The following ATP7B variants were observed in gnomAD, a reference collection of about 807,000 sequenced individuals.
ATP7B encodes the protein copper-transporting ATPase 2.
A neutral mutation model predicts 118.9 loss-of-function variants in ATP7B; 113 were observed. The ratio of observed to expected loss-of-function variants is 0.95; its 90% CI spans 0.82 to 1.11. The LOEUF is 1.11. ATP7B is among the 50% of genes most tolerant of loss of function. The pLI is 0.00. For missense variants in ATP7B, 1,867 were observed against 1,871.4 expected (o/e 1.00, Z 0.04); for synonymous variants, 777 against 727.4 (o/e 1.07, Z -1.10).
In ATP7B at chr13:51,974,510, G is replaced by T; in HGVS notation, c.710C>A (p.Ser237Tyr). The change falls in exon 2 of 21, where the codon TCT (serine) becomes TAT (tyrosine). Residue 237 changes from serine (S) to tyrosine (Y), a missense_variant. Ser to Tyr is a moderately radical substitution (Grantham distance 144). Transcript: ENST00000242839. ...ATTATTAAAATTCTGGTTAGCAGAA[G>T]ATAAAGGTCTCTTTGGGTTAGTGCT... ...LQSTNPKRPL[S>Y]SANQNFNNSE... The T allele has an allele frequency of 3.7e-6, 6 of 1,614,194 alleles. No homozygotes were observed. Among genetic ancestry groups the T allele is most frequent in the Non-Finnish European group, 5.1e-6 (6 of 1,180,038 alleles).
chr13:51,985,211 G>A (rs1566631925), intron 1 of ATP7B, among the ~76,000 whole-genome samples: 1 of 152,124 alleles, frequency 6.6e-6, no homozygotes, highest in Non-Finnish European at 1.5e-5. Flanking sequence ...CGAAATACAG[G>A]GATGGAGGAA....
At chr13:51,952,122 G>A (rs1363921474) in intron 9 of ATP7B, among the ~76,000 whole-genome samples, 1 of 152,242 alleles carries the variant, frequency 6.6e-6, no homozygotes, top group African/African-American at 2.4e-5. Context: ...AGTGGGGATT[G>A]TGTCTTGTAC....
At chr13:51,966,992 A>G in intron 4 of ATP7B, 1 of 1,613,488 alleles carries the variant, frequency 6.2e-7, no homozygotes, top group Non-Finnish European at 8.5e-7. Context: ...AGAAAAACAC[A>G]GACTGTCTGC....
chr13:52,001,279 A>G (rs1442216366), intron 1 of ATP7B, among the ~76,000 whole-genome samples: 2 of 152,308 alleles, frequency 1.3e-5, no homozygotes, highest in African/African-American at 2.4e-5. Flanking sequence ...AAAAGTCAGA[A>G]TACCTATAAG....
At chr13:51,935,063 T>C in intron 20 of ATP7B, 34 bp from the exon 21 acceptor site, 1 of 1,612,722 alleles carries the variant, frequency 6.2e-7, no homozygotes, top group Non-Finnish European at 8.5e-7. Context: ...ATCTGAGCCA[T>C]TCTAGAAACA....
chr13:51,936,205 T>C (rs960167912), intron 19 of ATP7B, among the ~76,000 whole-genome samples: 11 of 152,292 alleles, frequency 7.2e-5, no homozygotes, highest in African/African-American at 2.6e-4. Flanking sequence ...TGGTCAACTT[T>C]GTGTGGCAGA....
Position 51,941,187 on chromosome 13 carries a change from GT to G in ATP7B, c.3449del (p.Asn1150ThrfsTer5), listed in dbSNP as rs1555285380. 3.7e-6 allele frequency: 6 copies of G among 1,614,104 alleles called. No individual in the cohort carries two copies. The highest frequency in any genetic ancestry group is 5.1e-6 in the Non-Finnish European group (6 of 1,180,022). On this transcript the variant is annotated frameshift_variant, in exon 16 of 21. Transcript: ENST00000242839. LOFTEE classifies it high-confidence loss of function. ...AACCGTTGCGCCTCAGCCACTCACG[GT>G]TTCCAATCAGCACAGAGAAGGTCTG... The part of the protein sequence containing the change: ...VPQTFSVLIG[N>X]REWLRRNGLT...
At chr13:51,961,252 G>A (rs1373725366) in intron 6 of ATP7B, among the ~76,000 whole-genome samples, 4 of 151,558 alleles carry the variant, frequency 2.6e-5, no homozygotes, top group South Asian at 2.1e-4. Context: ...GGGCCCCTCC[G>A]AGACAGGGAA....
At position 51,960,149 on chromosome 13, in the gene ATP7B, T is replaced by C; in HGVS notation, c.2120A>G (p.Gln707Arg). 6.2e-7 allele frequency: 1 copy of C among 1,613,718 alleles called. No homozygotes were observed. Among genetic ancestry groups the C allele is most frequent in the South Asian group, 1.1e-5 (1 of 91,072 alleles). Reference protein sequence around the residue: ...LIFFILCTFVQLLGGWYFYVQ... With the variant: ...LIFFILCTFVRLLGGWYFYVQ... ...GTCTGCCCACTTTCTCATATATACC[T>C]GGACAAAGGTACACAAGATAAAGAA... Residue 707 changes from glutamine to arginine, a missense_variant and splice_region_variant, in exon 7 of 21, where the codon CAG becomes CGG. Gln to Arg is a conservative substitution (Grantham distance 43). Transcript: ENST00000242839.
chr13:52,007,589 G>A (rs1953835325), intron 1 of ATP7B, among the ~76,000 whole-genome samples: 1 of 152,104 alleles, frequency 6.6e-6, no homozygotes. Flanking sequence ...TCTCTCTCCA[G>A]ACACTAACTG....
intron 14 of ATP7B, 32 bp from the exon 15 acceptor site, chr13:51,942,586 T>C (rs1957402489): frequency 1.2e-6 from 2 of 1,612,910 alleles, no homozygotes. Context: ...AAGAGGAAAC[T>C]GTAAGCCAAG....
intron 1 of ATP7B, among the ~76,000 whole-genome samples, chr13:52,000,613 C>A (rs1953446760): frequency 6.6e-6 from 1 of 152,236 alleles, no homozygotes; most frequent in African/African-American, 2.4e-5. Flanking sequence ...TTGTCTACAA[C>A]AGAGCTCTCA....
rs1461573235 is a variant in ATP7B at position 51,958,422 on chromosome 13, C to G, written c.2244G>C (p.Leu748=). ...CCGCCTTCTCAGCCACAGCAACCAC[C>G]AGGATGACCAGAGAATAAACATAAG... ...SIAYVYSLVI[L]VVAVAEKAER... The change falls in exon 8 of 21, where the codon CTG becomes CTC. Residue 748 remains leucine (L), a synonymous_variant. Coordinates refer to ENST00000242839, the MANE Select transcript of ATP7B (RefSeq NM_000053.4). 6 of 1,614,104 alleles carry G rather than the reference C, an allele frequency of 3.7e-6. No homozygotes were observed. In the Admixed American group the frequency reaches 6.7e-5, roughly 18 times the overall value.
At chr13:51,956,973 A>G (rs1320784552) in intron 9 of ATP7B, among the ~76,000 whole-genome samples, 1 of 152,192 alleles carries the variant, frequency 6.6e-6, no homozygotes, top group African/African-American at 2.4e-5. Context: ...ATTAAGAGTA[A>G]TAATAGTCCC....
chr13:51,970,594 A>C lies in ATP7B; in HGVS notation c.1441T>G (p.Ser481Ala). ...TTCTGCGGTGCCACTGCTCTGGTTG[A>C]TTGTGGGGACTTTGCCAAGATGTCC... ...APDILAKSPQ[S>A]TRAVAPQKCF... Residue 481 changes from serine to alanine, a missense_variant, in exon 3 of 21, where the codon TCA becomes GCA. Physicochemically the swap from Ser to Ala is moderately conservative, Grantham distance 99. Coordinates refer to ENST00000242839, the MANE Select transcript of ATP7B (RefSeq NM_000053.4). The C allele has an allele frequency of 6.2e-7, 1 of 1,613,994 alleles. No individual in the cohort carries two copies. The highest frequency in any genetic ancestry group is 8.5e-7 in the Non-Finnish European group (1 of 1,179,984).
chr13:51,947,166 C>A (rs1324449042), intron 12 of ATP7B, among the ~76,000 whole-genome samples: 3 of 152,150 alleles, frequency 2.0e-5, no homozygotes, highest in African/African-American at 4.8e-5. Flanking sequence ...AAGGTACCAG[C>A]AGCACTGCAA....
intron 1 of ATP7B, among the ~76,000 whole-genome samples, chr13:51,994,742 T>C (rs1295756807): frequency 1.3e-5 from 2 of 152,242 alleles, no homozygotes; most frequent in Non-Finnish European, 2.9e-5. Flanking sequence ...TTATGAAACC[T>C]TCCTTTGTAT....
In ATP7B at chr13:51,974,381, C is replaced by T. The variant is rs1411428188; in HGVS notation, c.839G>A (p.Gly280Asp). ...SCVLNIEENI[G>D]QLLGVQSIQV... ...AATACTTTGAACCCCTAGGAGCTGG[C>T]CAATATTTTCTTCAATATTCAAGAC... is the stretch of plus-strand genomic sequence containing the variant. The change falls in exon 2 of 21, where the codon GGC becomes GAC. Residue 280 changes from glycine (G) to aspartate (D), a missense_variant. Transcript: ENST00000242839. 3 of 1,613,898 alleles carry T rather than the reference C, an allele frequency of 1.9e-6. No individual in the cohort carries two copies. Among genetic ancestry groups the T allele is most frequent in the Non-Finnish European group, 2.5e-6 (3 of 1,180,030 alleles).
intron 2 of ATP7B, 123 bp from the exon 3 acceptor site, chr13:51,970,872 C>A: frequency 1.2e-6 from 1 of 805,186 alleles, no homozygotes; most frequent in Non-Finnish European, 1.9e-6. Flanking sequence ...AGCCTCAGCC[C>A]CTGGGCTCCA....
Sources: gnomAD v4.1 joint callset for allele counts (sites outside exome capture counted in the v4.1 genomes callset) on GRCh38, gnomAD v4.1.1 for gene constraint, MANE v1.5 for transcripts, NCBI Gene and HGNC (gene_info 2026-07-23, HGNC 2026-07-21) for gene names.